Variants in IQCK observed in about 807,000 individuals in gnomAD.
IQCK encodes IQ domain-containing protein K.
A neutral mutation model predicts 28.1 loss-of-function variants in IQCK; 29 were observed. The observed-to-expected ratio is 1.03, with a 90% CI of 0.77 to 1.41. The LOEUF (loss-of-function observed/expected upper bound fraction) is 1.41. Among genes scored for constraint, IQCK ranks in the 40% most tolerant of loss-of-function variants. IQCK has a pLI of 0.00. For synonymous variants in IQCK, 113 were observed against 115.1 expected (o/e 0.98, Z 0.12); for missense variants, 359 against 314.7 (o/e 1.14, Z -1.07).
chr16:19,786,814 A>AAGGG (rs72125947), intron 6 of IQCK, among the ~76,000 whole-genome samples: 4 of 81,110 alleles, frequency 4.9e-5, no homozygotes, highest in Admixed American at 2.2e-4. Flanking sequence ...AGAGAGAGAG[A>AAGGG]AGGGAGGGAG....
intron 6 of IQCK, among the ~76,000 whole-genome samples, chr16:19,776,822 G>A (rs1567553140): frequency 2.6e-5 from 4 of 152,178 alleles, no homozygotes; most frequent in African/African-American, 2.4e-5. Flanking sequence ...CATATCTCCC[G>A]TCGGCCTTAG....
At chr16:19,741,149 A>G (rs1429511521) in intron 4 of IQCK, among the ~76,000 whole-genome samples, 1 of 152,054 alleles carries the variant, frequency 6.6e-6, no homozygotes, top group Non-Finnish European at 1.5e-5. Flanking sequence ...ATGATGAACT[A>G]AAGTTGTTTT....
intron 4 of IQCK, among the ~76,000 whole-genome samples, chr16:19,741,609 T>A (rs532264204): frequency 6.6e-6 from 1 of 152,354 alleles, no homozygotes; most frequent in East Asian, 1.9e-4. Flanking sequence ...AGATGTCAGA[T>A]GCTCCAGGGT....
At chr16:19,806,645 T>C (rs2055838079) in intron 7 of IQCK, among the ~76,000 whole-genome samples, 1 of 151,162 alleles carries the variant, frequency 6.6e-6, no homozygotes, top group Non-Finnish European at 1.5e-5. Flanking sequence ...GCTGAGATCA[T>C]GCCACTGCAT....
chr16:19,761,524 A>G (rs1486439327), intron 4 of IQCK: 1 of 420,116 alleles, frequency 2.4e-6, no homozygotes, highest in Admixed American at 2.7e-5. Context: ...CATGGCAACG[A>G]ACACCTCTAG....
intron 7 of IQCK, among the ~76,000 whole-genome samples, chr16:19,822,874 A>C (rs2056094305): frequency 6.6e-6 from 1 of 152,266 alleles, no homozygotes; most frequent in African/African-American, 2.4e-5. Flanking sequence ...AAATTTTAAA[A>C]AAATCACTAA....
At chr16:19,823,078 T>G (rs956672371) in intron 7 of IQCK, among the ~76,000 whole-genome samples, 2 of 152,084 alleles carry the variant, frequency 1.3e-5, no homozygotes, top group Non-Finnish European at 2.9e-5. Context: ...GGACTGTGTT[T>G]GTGTCCTAAG....
At chr16:19,750,212 T>C (rs1348511498) in intron 4 of IQCK, among the ~76,000 whole-genome samples, 3 of 149,354 alleles carry the variant, frequency 2.0e-5, no homozygotes, top group Non-Finnish European at 4.5e-5. Context: ...CTGCAACCTC[T>C]GCCTCCCTGG....
chr16:19,779,197 A>G (rs1294281620), intron 6 of IQCK, among the ~76,000 whole-genome samples: 2 of 152,176 alleles, frequency 1.3e-5, no homozygotes, highest in Non-Finnish European at 2.9e-5. Flanking sequence ...TGGGGTATTC[A>G]CTGAAATCAA....
rs113040268 is a variant in IQCK at position 19,730,747 on chromosome 16, A to G, written c.246+253A>G. ...TATCTGTCTGTCTGTCTGTCTGTCTATCTATCTATCTTATCTTATCTATCT... is the reference window on the plus strand; with the variant it reads ...TATCTGTCTGTCTGTCTGTCTGTCTGTCTATCTATCTTATCTTATCTATCT... On this transcript the variant is annotated intron_variant, in intron 2 of 7. Coordinates refer to ENST00000564186, the Ensembl canonical transcript of IQCK. Among the ~76,000 whole-genome samples the G allele has an allele frequency of 1.5e-3, 157 of 105,824 alleles. 3 individuals carry two copies. In the South Asian group the frequency reaches 0.026, roughly 18 times the overall value. 69.4% of individuals were successfully genotyped at this position (105,824 alleles called of 152,430 possible).
At chr16:19,739,566 G>A (rs377628231) in intron 4 of IQCK, among the ~76,000 whole-genome samples, 31 of 152,344 alleles carry the variant, frequency 2.0e-4, no homozygotes, top group African/African-American at 6.7e-4. Flanking sequence ...TATAATCCCA[G>A]CACCTTGGGA....
exon 10 of IQCK, chr16:19,856,620 T>C (rs1017192537): frequency 8.2e-6 from 10 of 1,221,130 alleles, no homozygotes; most frequent in Non-Finnish European, 1.2e-5. Flanking sequence ...CAAATGATGC[T>C]CTCTCTCTTG....
At position 19,732,088 on chromosome 16, in the gene IQCK, C is replaced by T. The variant is rs373004071; in HGVS notation, c.246+1594C>T. 6.8e-4 allele frequency among the ~76,000 whole-genome samples: 104 copies of T among 152,318 alleles called. 3 individuals are homozygous for T. In the South Asian group the frequency reaches 0.018, roughly 26 times the overall value. On this transcript the variant is annotated intron_variant, in intron 2 of 7. Coordinates refer to ENST00000564186, the Ensembl canonical transcript of IQCK. The stretch of plus-strand genomic sequence containing the variant: ...AGAGCAAGAATTCAGCCTTCCTCAA[C>T]GTTTTGTTCCTTCCAGGCCCTCAGC...
intron 9 of IQCK, among the ~76,000 whole-genome samples, chr16:19,833,198 C>T (rs1366323296): frequency 6.6e-6 from 1 of 152,082 alleles, no homozygotes; most frequent in African/African-American, 2.4e-5. Flanking sequence ...CATTAGATCC[C>T]CAGAACTTAT....
intron 6 of IQCK, among the ~76,000 whole-genome samples, chr16:19,782,837 A>G (rs1294247914): frequency 6.6e-6 from 1 of 152,190 alleles, no homozygotes; most frequent in South Asian, 2.1e-4. Flanking sequence ...AGCATGCTGT[A>G]TCTTCACGTC....
intron 7 of IQCK, among the ~76,000 whole-genome samples, chr16:19,807,495 T>C (rs1424053503): frequency 6.6e-6 from 1 of 152,236 alleles, no homozygotes; most frequent in East Asian, 1.9e-4. Flanking sequence ...ACTCAAATTA[T>C]GGTCCAAGAA....
At chr16:19,764,784 G>A (rs1464917820) in intron 6 of IQCK, among the ~76,000 whole-genome samples, 3 of 148,578 alleles carry the variant, frequency 2.0e-5, no homozygotes, top group African/African-American at 7.4e-5. Flanking sequence ...TCCACCTCCC[G>A]GGTTCATGCC....
chr16:19,730,727 G>A lies in IQCK; in HGVS notation c.246+233G>A, dbSNP rs78731084. 1.6e-3 allele frequency among the ~76,000 whole-genome samples: 151 copies of A among 92,414 alleles called. 3 individuals carry two copies. In the South Asian group the frequency reaches 0.031, roughly 19 times the overall value. 60.6% of individuals were successfully genotyped at this position (92,414 alleles called of 152,430 possible). ...TCGGCGTTTGTCTGTCTATCTATCT[G>A]TCTGTCTGTCTGTCTGTCTATCTAT... On this transcript the variant is annotated intron_variant, in intron 2 of 7. Coordinates refer to ENST00000564186, the Ensembl canonical transcript of IQCK.
chr16:19,806,234 G>T (rs1342940556), intron 7 of IQCK, among the ~76,000 whole-genome samples: 1 of 152,148 alleles, frequency 6.6e-6, no homozygotes, highest in Non-Finnish European at 1.5e-5. Context: ...GTGAGCTGGA[G>T]CTGGGCATGG....
Sources: allele counts gnomAD v4.1 joint callset (sites outside exome capture counted in the v4.1 genomes callset), GRCh38; gene constraint gnomAD v4.1.1; transcripts MANE v1.5; gene names NCBI Gene and HGNC (gene_info 2026-07-23, HGNC 2026-07-21).